Variants in ITK observed in about 807,000 individuals in gnomAD.
ITK encodes IL2 inducible T cell kinase.
A neutral mutation model predicts 87.6 loss-of-function variants in ITK; 45 were observed. That is an observed-to-expected ratio of 0.51 (90% CI 0.40 to 0.66). ITK has a LOEUF of 0.66. Ranked by LOEUF, ITK falls within the 30% of genes least tolerant of loss-of-function variation. ITK has a pLI of 0.00. For missense variants in ITK, 605 were observed against 766.3 expected (o/e 0.79, Z 2.48); for synonymous variants, 303 against 273.6 (o/e 1.11, Z -1.06).
intron 8 of ITK, among the ~76,000 whole-genome samples, chr5:157,237,814 G>A (rs1160513313): frequency 1.3e-5 from 2 of 152,182 alleles, no homozygotes; most frequent in Non-Finnish European, 2.9e-5. Flanking sequence ...GGTAAGAGTT[G>A]GAAAATATCT....
intron 7 of ITK, among the ~76,000 whole-genome samples, chr5:157,230,343 T>A (rs1043474456): frequency 6.6e-6 from 1 of 152,192 alleles, no homozygotes; most frequent in Non-Finnish European, 1.5e-5. Flanking sequence ...TATTTAAAAA[T>A]TTTAAAAAAT....
intron 1 of ITK, among the ~76,000 whole-genome samples, chr5:157,202,415 T>C (rs1039958766): frequency 3.9e-5 from 6 of 152,198 alleles, no homozygotes; most frequent in Non-Finnish European, 7.3e-5. Flanking sequence ...GGTTTCACCA[T>C]GTTGCCCAGG....
At chr5:157,204,144 G>T (rs1349099097) in intron 1 of ITK, among the ~76,000 whole-genome samples, 1 of 152,124 alleles carries the variant, frequency 6.6e-6, no homozygotes, top group Admixed American at 6.5e-5. Flanking sequence ...CCAAGTAGCT[G>T]GGACTACAGG....
Position 157,245,368 on chromosome 5 carries a change from A to G in ITK, c.1450-358A>G, listed in dbSNP as rs528690246. The G allele has an allele frequency of 1.0e-5, 4 of 396,734 alleles. No individual in the cohort carries two copies. In the East Asian group the frequency reaches 1.7e-4, roughly 17 times the overall value. 24.6% of individuals were successfully genotyped at this position (396,734 alleles called of 1,614,324 possible). ...TTAAGAGGATTAACAACATCAAAAC[A>G]TTCTTAATTTAGTCAACTGGGAGAT... On this transcript the variant is annotated intron_variant, in intron 13 of 16. Transcript: ENST00000422843.
intron 7 of ITK, among the ~76,000 whole-genome samples, chr5:157,230,784 G>T (rs1028536889): frequency 2.0e-5 from 3 of 152,104 alleles, no homozygotes; most frequent in Non-Finnish European, 4.4e-5. Flanking sequence ...AATTCCAACA[G>T]GATAAGCAAT....
At chr5:157,210,086 C>G (rs756984217) in intron 2 of ITK, among the ~76,000 whole-genome samples, 1 of 152,100 alleles carries the variant, frequency 6.6e-6, no homozygotes. Flanking sequence ...CCAACACTCC[C>G]GGCTAATTTT....
At position 157,253,624 on chromosome 5, in the gene ITK, CT is replaced by C. The variant is rs1368292948; in HGVS notation, c.*947del. On this transcript the variant is annotated 3_prime_UTR_variant, in exon 17 of 17. Coordinates refer to ENST00000422843, the MANE Select transcript of ITK (RefSeq NM_005546.4). ...TCCAGCCTCTGGGAATCAGCCCCCC[CT>C]CTCTGCACTATCCGATCCTCATCAA... The C allele has an allele frequency of 1.8e-5, 4 of 227,928 alleles. No homozygotes were observed. Among genetic ancestry groups the C allele is most frequent in the Non-Finnish European group, 3.5e-5 (4 of 114,730 alleles). The allele number at this position is 227,928 out of a possible 1,614,324, so 14.1% of individuals were successfully genotyped here.
intron 1 of ITK, among the ~76,000 whole-genome samples, chr5:157,182,635 G>A (rs955760692): frequency 1.3e-5 from 2 of 152,048 alleles, no homozygotes; most frequent in South Asian, 2.1e-4. Flanking sequence ...CTAATAAATC[G>A]CATGGCATTA....
intron 1 of ITK, among the ~76,000 whole-genome samples, chr5:157,206,717 G>T (rs1034461550): frequency 1.3e-5 from 2 of 152,118 alleles, no homozygotes; most frequent in Non-Finnish European, 2.9e-5. Context: ...TTTCTGTGGG[G>T]TTAGTGGTAA....
At chr5:157,184,736 T>C (rs374961571) in intron 1 of ITK, among the ~76,000 whole-genome samples, 2 of 152,216 alleles carry the variant, frequency 1.3e-5, no homozygotes, top group East Asian at 3.8e-4. Context: ...GAGAAAAGTA[T>C]GTTATAAGCT....
At chr5:157,240,480 A>C in intron 10 of ITK, 1 of 485,170 alleles carries the variant, frequency 2.1e-6, no homozygotes, top group Non-Finnish European at 3.8e-6. Flanking sequence ...CCTGGTGCCA[A>C]AAAGGTTGGG....
intron 2 of ITK, among the ~76,000 whole-genome samples, chr5:157,211,061 G>C (rs181918221): frequency 6.6e-6 from 1 of 152,182 alleles, no homozygotes; most frequent in Non-Finnish European, 1.5e-5. Flanking sequence ...TTTAGTGATT[G>C]CTCTCTTGGG....
At chr5:157,230,658 T>G (rs1167771667) in intron 7 of ITK, among the ~76,000 whole-genome samples, 2 of 152,208 alleles carry the variant, frequency 1.3e-5, no homozygotes, top group African/African-American at 4.8e-5. Context: ...GGCAATACCT[T>G]TGAAGAAAAA....
intron 4 of ITK, among the ~76,000 whole-genome samples, chr5:157,215,882 C>T (rs780580176): frequency 2.0e-5 from 3 of 152,162 alleles, no homozygotes; most frequent in South Asian, 2.1e-4. Context: ...CTCTTCGGGG[C>T]GCAAGTATTT....
At position 157,238,084 on chromosome 5, in the gene ITK, T is replaced by C. The variant is rs1043823890; in HGVS notation, c.769-25T>C. On this transcript the variant is annotated intron_variant, in intron 8 of 16. Transcript: ENST00000422843. ...AGCCTGGTTTCCTGAGATCACTAAC[T>C]TTCCATTCTTTCTAACCATTCCAGG... The C allele has an allele frequency of 1.9e-6, 3 of 1,583,752 alleles. No individual in the cohort carries two copies. In the African/African-American group the frequency reaches 4.0e-5, roughly 21 times the overall value.
chr5:157,218,550 G>C (rs1343739058), intron 5 of ITK, among the ~76,000 whole-genome samples: 1 of 149,792 alleles, frequency 6.7e-6, no homozygotes, highest in Admixed American at 6.7e-5. Flanking sequence ...TCTACTCTTC[G>C]CAAGCATTTT....
chr5:157,221,710 T>G (rs1000354059), intron 5 of ITK, among the ~76,000 whole-genome samples: 1 of 152,206 alleles, frequency 6.6e-6, no homozygotes, highest in Non-Finnish European at 1.5e-5. Flanking sequence ...GTGGGATGAA[T>G]GCCATAGCTC....
rs397884045 is a variant in ITK, at chr5:157,219,113, C to CTT, written c.495+1221_495+1222dup. Among the ~76,000 whole-genome samples, 98 of 136,466 alleles carry CTT rather than the reference C, an allele frequency of 7.2e-4. 1 individual carries two copies. Among genetic ancestry groups the CTT allele is most frequent in the East Asian group, 2.1e-3 (10 of 4,744 alleles). 89.5% of individuals were successfully genotyped at this position (136,466 alleles called of 152,430 possible). On this transcript the variant is annotated intron_variant, in intron 5 of 16. Transcript: ENST00000422843. ...TTAACACCAATATCCACTTTTCTTT[C>CTT]TTTTTTTTTTTTTTTTGAGATAGAG...
At chr5:157,243,413 C>T (rs1168621421) in intron 11 of ITK, among the ~76,000 whole-genome samples, 1 of 152,188 alleles carries the variant, frequency 6.6e-6, no homozygotes, top group African/African-American at 2.4e-5. Flanking sequence ...ATGCCACTCT[C>T]CTTCTTTCCA....
Sources: gnomAD v4.1 joint callset for allele counts (sites outside exome capture counted in the v4.1 genomes callset) on GRCh38, gnomAD v4.1.1 for gene constraint, MANE v1.5 for transcripts, NCBI Gene and HGNC (gene_info 2026-07-23, HGNC 2026-07-21) for gene names.